Variants in NRXN3 observed in about 807,000 individuals in gnomAD.
NRXN3 encodes the protein neurexin 3.
Under a neutral mutation model 137.6 loss-of-function variants are expected in NRXN3, and 32 were observed. That is an observed-to-expected ratio of 0.23 (90% CI 0.18 to 0.31). The LOEUF (loss-of-function observed/expected upper bound fraction) is 0.31. Ranked by LOEUF, NRXN3 falls within the 10% of genes least tolerant of loss-of-function variation. NRXN3 has a pLI of 1.00. For synonymous variants in NRXN3, 798 were observed against 784.5 expected (o/e 1.02, Z -0.29); for missense variants, 1,574 against 2,062.5 (o/e 0.76, Z 4.59).
chr14:79,396,939 A>G (rs934364233), intron 15 of NRXN3, among the ~76,000 whole-genome samples: 2 of 152,148 alleles, frequency 1.3e-5, no homozygotes, highest in African/African-American at 4.8e-5. Flanking sequence ...AGAAAATCCT[A>G]CCTTCAGGGA....
At chr14:78,220,691 C>T (rs1190297751) in intron 1 of NRXN3, among the ~76,000 whole-genome samples, 1 of 151,900 alleles carries the variant, frequency 6.6e-6, no homozygotes, top group Non-Finnish European at 1.5e-5. Context: ...TATAGAGGTT[C>T]AAGAAAGTGT....
intron 10 of NRXN3, among the ~76,000 whole-genome samples, chr14:78,913,267 TTTC>T (rs2099245014): frequency 1.0e-5 from 1 of 99,614 alleles, no homozygotes; most frequent in African/African-American, 4.9e-5. Flanking sequence ...TCTTTCTTTC[TTTC>T]TTTCTTTTTT....
intron 16 of NRXN3, among the ~76,000 whole-genome samples, chr14:79,578,421 A>G (rs1401120957): frequency 6.6e-6 from 1 of 152,136 alleles, no homozygotes; most frequent in East Asian, 1.9e-4. Context: ...ATATATATAT[A>G]GCTAATCTCG....
chr14:78,856,782 G>C (rs899421345), intron 10 of NRXN3, among the ~76,000 whole-genome samples: 5 of 152,102 alleles, frequency 3.3e-5, no homozygotes, highest in African/African-American at 7.2e-5. Context: ...TGCCCAGGCC[G>C]GAGTGCAATG....
At chr14:78,858,067 A>C (rs1372985802) in intron 10 of NRXN3, among the ~76,000 whole-genome samples, 10 of 152,358 alleles carry the variant, frequency 6.6e-5, no homozygotes, top group Non-Finnish European at 4.4e-5. Context: ...AAAATAAACC[A>C]GAAAACTAAT....
At chr14:78,622,078 C>T (rs2097410938) in intron 4 of NRXN3, among the ~76,000 whole-genome samples, 1 of 152,114 alleles carries the variant, frequency 6.6e-6, no homozygotes, top group East Asian at 1.9e-4. Context: ...AAGTTATGTT[C>T]ATAATTTAAA....
At chr14:79,006,938 T>C (rs1233238398) in intron 15 of NRXN3, among the ~76,000 whole-genome samples, 1 of 152,180 alleles carries the variant, frequency 6.6e-6, no homozygotes, top group Non-Finnish European at 1.5e-5. Flanking sequence ...CTCTGATTCT[T>C]GCTCAAACTC....
chr14:79,803,017 T>C (rs61992427), intron 19 of NRXN3, among the ~76,000 whole-genome samples: 15,900 of 152,118 alleles, frequency 0.1, 1,134 homozygotes, highest in African/African-American at 0.19. Flanking sequence ...CCTGCACGTT[T>C]TGCACATGTA....
chr14:78,280,972 C>T (rs886239072), intron 3 of NRXN3, among the ~76,000 whole-genome samples: 16 of 152,164 alleles, frequency 1.1e-4, no homozygotes, highest in African/African-American at 2.2e-4. Context: ...TGATGTGTGA[C>T]GGTCACCCAG....
In NRXN3 at chr14:79,866,190, A is replaced by T. The variant is rs1447015928; in HGVS notation, c.*4226A>T. 6.6e-6 allele frequency: 1 copy of T among 152,192 alleles called. No individual in the cohort carries two copies. The highest frequency in any genetic ancestry group is 1.5e-5 in the Non-Finnish European group (1 of 68,036). 9.4% of individuals were successfully genotyped at this position (152,192 alleles called of 1,614,324 possible). ...TTTGATCTTTCTCCAAAAAATATCCAAGCCCTGTGTTTGTCCCAGTTGAAC... is the reference window on the plus strand; with the variant it reads ...TTTGATCTTTCTCCAAAAAATATCCTAGCCCTGTGTTTGTCCCAGTTGAAC... On this transcript the variant is annotated 3_prime_UTR_variant, in exon 21 of 21. Transcript: ENST00000335750.
chr14:79,081,796 A>T (rs1263681876), intron 15 of NRXN3, among the ~76,000 whole-genome samples: 1 of 152,102 alleles, frequency 6.6e-6, no homozygotes, highest in Non-Finnish European at 1.5e-5. Context: ...TAAACCAAAA[A>T]TGATCTAAAA....
At chr14:79,674,236 C>T (rs145010206) in intron 17 of NRXN3, among the ~76,000 whole-genome samples, 78 of 152,042 alleles carry the variant, frequency 5.1e-4, no homozygotes, top group African/African-American at 1.9e-3. Context: ...AAATTAATGA[C>T]CATGGAATTC....
intron 4 of NRXN3, among the ~76,000 whole-genome samples, chr14:78,385,976 G>A (rs117869710): frequency 0.015 from 2,281 of 152,126 alleles, 22 homozygotes; most frequent in Non-Finnish European, 0.025. Context: ...CTGAAGAAAA[G>A]TCCTCTGATT....
intron 15 of NRXN3, among the ~76,000 whole-genome samples, chr14:79,225,955 CAT>C (rs540260741): frequency 1.9e-4 from 29 of 152,174 alleles, no homozygotes; most frequent in Non-Finnish European, 3.2e-4. Context: ...TTTAAAGACT[CAT>C]GTGATTAGAT....
At chr14:78,938,124 G>A (rs1238350017) in intron 10 of NRXN3, among the ~76,000 whole-genome samples, 5 of 152,220 alleles carry the variant, frequency 3.3e-5, no homozygotes, top group African/African-American at 1.2e-4. Flanking sequence ...TCCTGTGCTG[G>A]ACACATTCTC....
rs1311631552 is a variant in NRXN3 at position 78,943,661 on chromosome 14, T to A, written c.2276-13581T>A. On this transcript the variant is annotated intron_variant, in intron 10 of 20. Coordinates refer to ENST00000335750, the MANE Select transcript of NRXN3 (RefSeq NM_001330195.2). ...ATATATATATATATATATATATATA[T>A]ATATATATATATATATATCTCAAAG... 6.4e-3 allele frequency among the ~76,000 whole-genome samples: 512 copies of A among 80,022 alleles called. 40 individuals are homozygous for A. Among genetic ancestry groups the A allele is most frequent in the African/African-American group, 0.023 (409 of 17,996 alleles). The allele number at this position is 80,022 out of a possible 152,430, so 52.5% of individuals were successfully genotyped here.
At chr14:78,981,351 C>T (rs1178793806) in intron 14 of NRXN3, among the ~76,000 whole-genome samples, 3 of 152,194 alleles carry the variant, frequency 2.0e-5, no homozygotes, top group Non-Finnish European at 4.4e-5. Flanking sequence ...TGCACATTCC[C>T]CACTCTGGCT....
chr14:79,026,904 C>T (rs929549831), intron 15 of NRXN3, among the ~76,000 whole-genome samples: 7 of 143,606 alleles, frequency 4.9e-5, no homozygotes, highest in Admixed American at 1.4e-4. Context: ...CAGAATCATG[C>T]GTGATCCCAG....
chr14:79,759,922 T>G (rs1404892290), intron 19 of NRXN3, among the ~76,000 whole-genome samples: 1 of 151,726 alleles, frequency 6.6e-6, no homozygotes, highest in Non-Finnish European at 1.5e-5. Context: ...TGAATATTTT[T>G]AGCTTCTGAA....
Sources: gnomAD v4.1 joint callset for allele counts (sites outside exome capture counted in the v4.1 genomes callset) on GRCh38, gnomAD v4.1.1 for gene constraint, MANE v1.5 for transcripts, NCBI Gene and HGNC (gene_info 2026-07-23, HGNC 2026-07-21) for gene names.